The following NAALADL2 variants were observed in gnomAD, a reference collection of about 807,000 sequenced individuals.
NAALADL2 encodes N-acetylated alpha-linked acidic dipeptidase like 2.
A neutral mutation model predicts 87.2 loss-of-function variants in NAALADL2; 76 were observed. The ratio of observed to expected loss-of-function variants is 0.87; its 90% confidence interval spans 0.72 to 1.05. The LOEUF (loss-of-function observed/expected upper bound fraction) is 1.05, where lower values mean the gene tolerates loss of function less well. NAALADL2 is among the 50% of genes least tolerant of loss of function. The pLI is 0.00. For synonymous variants in NAALADL2, 354 were observed against 331.0 expected, an observed-to-expected ratio of 1.07 and a Z score of -0.75; for missense variants, 1,089 against 945.8, an observed-to-expected ratio of 1.15 and a Z score of -1.99.
At chr3:174,697,921 C>G (rs1192399481) in intron 2 of NAALADL2, among the ~76,000 whole-genome samples, 1 of 152,018 alleles carries the variant, frequency 6.6e-6, no homozygotes, top group East Asian at 1.9e-4. Context: ...GAAACCCGGT[C>G]TCTACTAAAA....
At chr3:175,240,801 A>G (rs1220137266) in intron 3 of NAALADL2, among the ~76,000 whole-genome samples, 1 of 152,070 alleles carries the variant, frequency 6.6e-6, no homozygotes, top group Non-Finnish European at 1.5e-5. Context: ...GATTACAGGC[A>G]TGTGCCACCA....
At chr3:175,634,508 T>A (rs763724423) in intron 11 of NAALADL2, among the ~76,000 whole-genome samples, 1 of 151,944 alleles carries the variant, frequency 6.6e-6, no homozygotes, top group Non-Finnish European at 1.5e-5. Flanking sequence ...TAAAACTATA[T>A]CTCAGTAGCA....
chr3:175,132,639 G>T lies in NAALADL2; in HGVS notation c.545+35348G>T, dbSNP rs1580623788. ...CCCCCCCACCTCCCTCCCGGACGGGGTGGCTGGCCGGGCGGGGGGCTGACC... is the reference window on the plus strand; with the variant it reads ...CCCCCCCACCTCCCTCCCGGACGGGTTGGCTGGCCGGGCGGGGGGCTGACC... On this transcript the variant is annotated intron_variant, in intron 2 of 13. Coordinates refer to ENST00000454872, the MANE Select transcript of NAALADL2 (RefSeq NM_207015.3). 3.4e-5 allele frequency among the ~76,000 whole-genome samples: 4 copies of T among 119,256 alleles called. 1 individual carries two copies. In the East Asian group the frequency reaches 9.1e-4, roughly 27 times the overall value. The allele number at this position is 119,256 out of a possible 152,430, so 78.2% of individuals were successfully genotyped here.
chr3:174,721,506 C>T (rs892556608), intron 2 of NAALADL2, among the ~76,000 whole-genome samples: 3 of 152,094 alleles, frequency 2.0e-5, no homozygotes, highest in South Asian at 2.1e-4. Context: ...TTTTGAATGG[C>T]GACTATCCTT....
chr3:175,148,072 A>AAATAAT, intron 2 of NAALADL2, among the ~76,000 whole-genome samples: 1 of 112,164 alleles, frequency 8.9e-6, no homozygotes, highest in Non-Finnish European at 1.8e-5. Flanking sequence ...CTCTGTCTCA[A>AAATAAT]AATAATAATA....
At chr3:174,849,964 A>G (rs1158886658) in intron 3 of NAALADL2, among the ~76,000 whole-genome samples, 2 of 152,046 alleles carry the variant, frequency 1.3e-5, no homozygotes, top group Admixed American at 1.3e-4. Context: ...AGGATTTTAT[A>G]TTTCTCTGTC....
chr3:175,179,081 ATAT>A (rs1203850823), intron 2 of NAALADL2, among the ~76,000 whole-genome samples: 1 of 151,948 alleles, frequency 6.6e-6, no homozygotes, highest in Non-Finnish European at 1.5e-5. Flanking sequence ...ATTATTTTTA[ATAT>A]TACATTTTTC....
intron 5 of NAALADL2, among the ~76,000 whole-genome samples, chr3:175,442,363 T>G (rs1393076633): frequency 1.3e-5 from 2 of 152,146 alleles, no homozygotes; most frequent in African/African-American, 2.4e-5. Flanking sequence ...CAGATGAGAT[T>G]GAAGTGGGCA....
At chr3:175,071,629 A>G (rs960215349) in intron 1 of NAALADL2, among the ~76,000 whole-genome samples, 2 of 152,022 alleles carry the variant, frequency 1.3e-5, no homozygotes, top group Admixed American at 1.3e-4. Context: ...TACCGTCCCC[A>G]ATTAATTGGT....
chr3:175,756,685 A>T (rs1388436059), intron 13 of NAALADL2, among the ~76,000 whole-genome samples: 1 of 152,084 alleles, frequency 6.6e-6, no homozygotes. Context: ...AGAGTTGAAA[A>T]GTTGTTATAT....
At chr3:175,706,375 G>A (rs1342018754) in intron 11 of NAALADL2, among the ~76,000 whole-genome samples, 1 of 151,960 alleles carries the variant, frequency 6.6e-6, no homozygotes, top group Non-Finnish European at 1.5e-5. Flanking sequence ...TGTAAATTAG[G>A]CACAATAATA....
chr3:174,566,265 T>A (rs1425592589), intron 2 of NAALADL2, among the ~76,000 whole-genome samples: 1 of 151,966 alleles, frequency 6.6e-6, no homozygotes, highest in African/African-American at 2.4e-5. Flanking sequence ...GATATTTTTG[T>A]AGATTTAACT....
At chr3:175,668,216 AC>A (rs1319264721) in intron 11 of NAALADL2, among the ~76,000 whole-genome samples, 1 of 152,144 alleles carries the variant, frequency 6.6e-6, no homozygotes, top group Non-Finnish European at 1.5e-5. Flanking sequence ...TTTACAATGA[AC>A]TTTTGTAGCT....
chr3:175,257,696 T>C (rs368878078), intron 4 of NAALADL2, among the ~76,000 whole-genome samples: 1 of 152,250 alleles, frequency 6.6e-6, no homozygotes, highest in South Asian at 2.1e-4. Flanking sequence ...ATGCTGCCTT[T>C]ATACTGATTT....
chr3:174,929,178 C>T (rs1003565261), intron 1 of NAALADL2, among the ~76,000 whole-genome samples: 1 of 152,110 alleles, frequency 6.6e-6, no homozygotes, highest in African/African-American at 2.4e-5. Context: ...GGAAAGAGGG[C>T]AGTGTATAGG....
At chr3:174,958,033 A>G (rs535951244) in intron 1 of NAALADL2, among the ~76,000 whole-genome samples, 1 of 151,976 alleles carries the variant, frequency 6.6e-6, no homozygotes, top group East Asian at 1.9e-4. Context: ...CATCCTATGC[A>G]TCGCCTCTTC....
At chr3:175,089,236 A>G (rs1436870340) in intron 1 of NAALADL2, among the ~76,000 whole-genome samples, 1 of 152,170 alleles carries the variant, frequency 6.6e-6, no homozygotes, top group Admixed American at 6.5e-5. Context: ...GGATCCACAT[A>G]GGACCATTAA....
At chr3:174,636,505 A>T (rs1722662346) in intron 2 of NAALADL2, among the ~76,000 whole-genome samples, 1 of 152,172 alleles carries the variant, frequency 6.6e-6, no homozygotes, top group Non-Finnish European at 1.5e-5. Context: ...ACATGAACAG[A>T]TATTTCTCAG....
chr3:175,685,698 C>A (rs1465212459), intron 11 of NAALADL2, among the ~76,000 whole-genome samples: 1 of 152,000 alleles, frequency 6.6e-6, no homozygotes, highest in African/African-American at 2.4e-5. Flanking sequence ...ATCTGAAGGG[C>A]AGCAGACTGG....
Sources: gnomAD v4.1 joint callset for allele counts (sites outside exome capture counted in the v4.1 genomes callset) on GRCh38, gnomAD v4.1.1 for gene constraint, MANE v1.5 for transcripts, NCBI Gene and HGNC (gene_info 2026-07-23, HGNC 2026-07-21) for gene names.